AR: variants seen among roughly 807,000 people sequenced by gnomAD.
AR encodes the protein androgen receptor, also known as dihydrotestosterone receptor.
Under a neutral mutation model 53.9 loss-of-function variants are expected in AR, and 8 were observed. That is an observed-to-expected ratio of 0.15 (90% CI 0.09 to 0.27). AR has a LOEUF of 0.27. AR is among the 10% of genes least tolerant of loss of function. The pLI is 1.00. For missense variants in AR, 639 were observed against 742.5 expected (o/e 0.86, Z 1.62); for synonymous variants, 359 against 316.4 (o/e 1.13, Z -1.43).
chrX:67,635,521 A>G (rs1483932767), intron 1 of AR, among the ~76,000 whole-genome samples: 2 of 110,907 alleles, frequency 1.8e-5, no homozygotes, highest in Non-Finnish European at 3.8e-5. Flanking sequence ...TCCTCCTTTG[A>G]AAAGAAAGTT....
intron 1 of AR, among the ~76,000 whole-genome samples, chrX:67,596,331 G>T (rs1010662775): frequency 1.8e-5 from 2 of 109,795 alleles, no homozygotes; most frequent in African/African-American, 6.6e-5. Flanking sequence ...ATCAGGGAGA[G>T]GGTCTTCTTG....
rs1044719933 is a variant in AR, at chrX:67,544,089, G to T, written c.-1058G>T. ...CGGGACGGTCCGGAGCAAGCCCAGA[G>T]GCAGAGGAGGCGACAGAGGGAAAAA... On this transcript the variant is annotated 5_prime_UTR_variant, in exon 1 of 8. It adds an upstream start codon to the 5' untranslated region. Transcript: ENST00000374690. 1 of 170,450 alleles carries T rather than the reference G, an allele frequency of 5.9e-6. No individual in the cohort carries two copies. The highest frequency in any genetic ancestry group is 1.1e-5 in the Non-Finnish European group (1 of 89,094). 14.0% of individuals were successfully genotyped at this position (170,450 alleles called of 1,213,427 possible). A position where few individuals can be genotyped will look rare whatever the true frequency, so the allele number is the denominator to read the frequency against.
intron 1 of AR, among the ~76,000 whole-genome samples, chrX:67,598,129 G>T (rs1410827140): frequency 9.0e-6 from 1 of 111,230 alleles, no homozygotes; most frequent in Non-Finnish European, 1.9e-5. Flanking sequence ...AGGAGATAAT[G>T]GGTGTAAAAG....
intron 1 of AR, among the ~76,000 whole-genome samples, chrX:67,547,495 T>TG (rs1929812589): frequency 8.9e-6 from 1 of 111,886 alleles, no homozygotes; most frequent in Non-Finnish European, 1.9e-5. Context: ...TGAAAGTAGT[T>TG]GCTTGGGTCG....
intron 1 of AR, among the ~76,000 whole-genome samples, chrX:67,552,413 C>T (rs1389045625): frequency 8.9e-6 from 1 of 112,244 alleles, no homozygotes; most frequent in Non-Finnish European, 1.9e-5. Context: ...TCTATCTATC[C>T]ATTTATCAGG....
At chrX:67,687,012 A>G (rs1302170805) in intron 3 of AR, among the ~76,000 whole-genome samples, 2 of 111,815 alleles carry the variant, frequency 1.8e-5, no homozygotes, top group Non-Finnish European at 3.8e-5. Context: ...CATGAGAAAA[A>G]CAAGATCATT....
intron 2 of AR, among the ~76,000 whole-genome samples, chrX:67,684,055 G>A (rs1179487555): frequency 9.0e-6 from 1 of 111,513 alleles, no homozygotes; most frequent in Non-Finnish European, 1.9e-5. Flanking sequence ...TCTCAAAGAA[G>A]GCACGCACTT....
At chrX:67,593,837 G>A (rs1405248195) in intron 1 of AR, among the ~76,000 whole-genome samples, 2 of 112,010 alleles carry the variant, frequency 1.8e-5, no homozygotes, top group African/African-American at 6.5e-5. Flanking sequence ...ACTGAAATAA[G>A]TACGGTTTTC....
rs1263278627 is a variant in AR, at chrX:67,723,587, C to G, written c.2608-99C>G. 11 of 1,008,711 alleles carry G rather than the reference C, an allele frequency of 1.1e-5. No individual in the cohort carries two copies. In the East Asian group the frequency reaches 3.1e-4, roughly 28 times the overall value. 83.1% of individuals were successfully genotyped at this position (1,008,711 alleles called of 1,213,427 possible). A position where few individuals can be genotyped will look rare whatever the true frequency, so the allele number is the denominator to read the frequency against. ...GGAAGTACGGGGAAGGGGGAGGAAA[C>G]AAAAGGCTGAAAGACCAAAAATCAG... is the stretch of plus-strand genomic sequence containing the variant. On this transcript the variant is annotated intron_variant, in intron 7 of 7. Transcript: ENST00000374690.
rs2075913748 is a variant in AR at position 67,678,485 on chromosome X, T to A, written c.1769-7525T>A. 2.7e-5 allele frequency among the ~76,000 whole-genome samples: 3 copies of A among 111,915 alleles called. No individual in the cohort carries two copies. The South Asian group carries it at 1.1e-3, about 42-fold the overall frequency. Reference sequence around the variant, plus strand: ...GCAAATGACAGACTTTTCTTTTCATTAAAGGCTATATAGTATTCCATCGTG... The same window carrying A: ...GCAAATGACAGACTTTTCTTTTCATAAAAGGCTATATAGTATTCCATCGTG... On this transcript the variant is annotated intron_variant, in intron 2 of 7. Coordinates refer to ENST00000374690, the MANE Select transcript of AR (RefSeq NM_000044.6).
rs754327458 is a variant in AR at position 67,600,709 on chromosome X, T to C, written c.1617-42547T>C. On this transcript the variant is annotated intron_variant, in intron 1 of 7. Transcript: ENST00000374690. ...AAATAACTAAAGAGGTATAATAGGA[T>C]TGATTGTAACACAAAGAATAAATGC... is the stretch of plus-strand genomic sequence containing the variant. Among the ~76,000 whole-genome samples the C allele has an allele frequency of 1.3e-4, 14 of 111,573 alleles. 1 individual carries two copies. In the South Asian group the frequency reaches 5.3e-3, roughly 42 times the overall value.
At chrX:67,671,380 G>A (rs370723133) in intron 2 of AR, among the ~76,000 whole-genome samples, 1 of 112,232 alleles carries the variant, frequency 8.9e-6, no homozygotes, top group South Asian at 3.7e-4. Flanking sequence ...ATGTTTGTTG[G>A]CAGCATAAAT....
At chrX:67,639,962 A>G (rs1039396918) in intron 1 of AR, among the ~76,000 whole-genome samples, 1 of 111,531 alleles carries the variant, frequency 9.0e-6, no homozygotes, top group Admixed American at 9.6e-5. Flanking sequence ...GGTTTGTCAT[A>G]AATAGCTCTT....
chrX:67,655,739 C>G (rs1162283435), intron 2 of AR, among the ~76,000 whole-genome samples: 1 of 111,122 alleles, frequency 9.0e-6, no homozygotes, highest in Non-Finnish European at 1.9e-5. Context: ...GATGACCACC[C>G]CCAGAGGATT....
At chrX:67,672,670 A>C (rs2075872990) in intron 2 of AR, among the ~76,000 whole-genome samples, 1 of 110,159 alleles carries the variant, frequency 9.1e-6, no homozygotes, top group African/African-American at 3.3e-5. Context: ...GCTTGTTGTC[A>C]CTTTGTCGTT....
chrX:67,602,817 A>G lies in AR; in HGVS notation c.1617-40439A>G, dbSNP rs188696813. 1.2e-4 allele frequency among the ~76,000 whole-genome samples: 13 copies of G among 112,037 alleles called. No homozygotes were observed. In the East Asian group the frequency reaches 3.6e-3, roughly 31 times the overall value. Reference sequence around the variant, plus strand: ...TGACTTCTGACCTAAAAAAAAAGTCAGATAATAAATGAGTATTGTTTTAAA... The same window carrying G: ...TGACTTCTGACCTAAAAAAAAAGTCGGATAATAAATGAGTATTGTTTTAAA... On this transcript the variant is annotated intron_variant, in intron 1 of 7. Coordinates refer to ENST00000374690, the MANE Select transcript of AR (RefSeq NM_000044.6).
At chrX:67,641,134 A>G (rs981692810) in intron 1 of AR, among the ~76,000 whole-genome samples, 1 of 111,330 alleles carries the variant, frequency 9.0e-6, no homozygotes, top group African/African-American at 3.3e-5. Flanking sequence ...GTGGTTAAGA[A>G]TCTACACTTT....
At chrX:67,694,543 C>T (rs2076010781) in intron 3 of AR, 1 of 1,027,054 alleles carries the variant, frequency 9.7e-7, no homozygotes, top group Non-Finnish European at 1.2e-6. Flanking sequence ...ATGGCAACCG[C>T]CCACCTCCCC....
At chrX:67,569,368 T>C (rs1168913734) in intron 1 of AR, among the ~76,000 whole-genome samples, 1 of 111,606 alleles carries the variant, frequency 9.0e-6, no homozygotes, top group Non-Finnish European at 1.9e-5. Context: ...TTTTCAGCCT[T>C]TGTGCAAGGA....
Sources: allele counts gnomAD v4.1 joint callset (sites outside exome capture counted in the v4.1 genomes callset), GRCh38; gene constraint gnomAD v4.1.1; transcripts MANE v1.5; gene names NCBI Gene and HGNC (gene_info 2026-07-23, HGNC 2026-07-21).